DLG2: variants seen among roughly 807,000 people sequenced by gnomAD.
DLG2 encodes discs large MAGUK scaffold protein 2, also known as disks large homolog 2.
DLG2 carries 45 observed loss-of-function variants against 132.5 expected under a neutral mutation model. That is an observed-to-expected ratio of 0.34 (90% CI 0.27 to 0.44). The LOEUF is 0.44. Among genes scored for constraint, DLG2 ranks in the 20% least tolerant of loss-of-function variants. The probability of loss-of-function intolerance (pLI) is 1.00; values close to 1 mark genes in which losing one functional copy is unlikely to be tolerated. For synonymous variants in DLG2, 424 were observed against 419.6 expected (o/e 1.01, Z -0.13); for missense variants, 1,045 against 1,196.9 (o/e 0.87, Z 1.87).
intron 6 of DLG2, among the ~76,000 whole-genome samples, chr11:84,846,351 A>G (rs999489602): frequency 9.9e-5 from 15 of 152,146 alleles, no homozygotes; most frequent in Non-Finnish European, 1.5e-4. Context: ...AAATGGAACC[A>G]TCTTTCATTC....
chr11:84,212,513 A>T lies in DLG2; in HGVS notation c.573+38725T>A, dbSNP rs543808566. Among the ~76,000 whole-genome samples, 94 of 152,338 alleles carry T rather than the reference A, an allele frequency of 6.2e-4. 2 individuals are homozygous for T. The South Asian group carries it at 0.017, about 28-fold the overall frequency. On this transcript the variant is annotated intron_variant, in intron 8 of 27. Transcript: ENST00000376104. ...CTGCCTTTGTTAATTTTATTTTAAG[A>T]AGTAGTGGCAGTAGATCAAAGAATT...
intron 7 of DLG2, among the ~76,000 whole-genome samples, chr11:84,302,688 T>C (rs2098169222): frequency 6.6e-6 from 1 of 152,210 alleles, no homozygotes; most frequent in South Asian, 2.1e-4. Context: ...CATAAGCTTG[T>C]ATTATATTTA....
intron 6 of DLG2, among the ~76,000 whole-genome samples, chr11:84,810,985 TAAAG>T (rs2076490893): frequency 6.6e-6 from 1 of 152,138 alleles, no homozygotes. Context: ...GTCCTTGTGA[TAAAG>T]AAAGTTATCT....
At chr11:83,515,651 G>A (rs1246817084) in intron 21 of DLG2, among the ~76,000 whole-genome samples, 12 of 152,108 alleles carry the variant, frequency 7.9e-5, no homozygotes, top group Admixed American at 7.9e-4. Flanking sequence ...GCTTTCTGTT[G>A]TGGGCATTTA....
chr11:84,423,184 T>G (rs1440833457), intron 7 of DLG2, among the ~76,000 whole-genome samples: 3 of 152,244 alleles, frequency 2.0e-5, no homozygotes, highest in African/African-American at 7.2e-5. Context: ...ATAGTGGTGA[T>G]GGTTGTACAA....
At chr11:84,366,913 A>T (rs977858797) in intron 7 of DLG2, among the ~76,000 whole-genome samples, 6 of 152,094 alleles carry the variant, frequency 3.9e-5, no homozygotes, top group Non-Finnish European at 8.8e-5. Flanking sequence ...CGAGACAGAA[A>T]GTCAACAAGG....
At chr11:84,584,977 C>T (rs995235225) in intron 6 of DLG2, among the ~76,000 whole-genome samples, 17 of 152,148 alleles carry the variant, frequency 1.1e-4, no homozygotes, top group African/African-American at 3.9e-4. Flanking sequence ...CGTGAGCCAC[C>T]GCGCCCGGCC....
chr11:85,067,093 C>T (rs1215957700), intron 6 of DLG2, among the ~76,000 whole-genome samples: 1 of 151,732 alleles, frequency 6.6e-6, no homozygotes, highest in Non-Finnish European at 1.5e-5. Context: ...ACCTGCACTC[C>T]AGGAATTCAT....
chr11:84,925,847 A>C (rs2092958267), intron 6 of DLG2, among the ~76,000 whole-genome samples: 1 of 152,156 alleles, frequency 6.6e-6, no homozygotes, highest in African/African-American at 2.4e-5. Context: ...GGAAGGATCA[A>C]TGATTTAAAT....
At chr11:83,704,509 CT>C (rs201131386) in intron 18 of DLG2, among the ~76,000 whole-genome samples, 2 of 151,064 alleles carry the variant, frequency 1.3e-5, no homozygotes, top group Non-Finnish European at 3.0e-5. Context: ...CTGGTTTTTT[CT>C]TTTTTTAAAA....
chr11:83,856,228 C>T (rs1434627710), intron 16 of DLG2, among the ~76,000 whole-genome samples: 1 of 152,132 alleles, frequency 6.6e-6, no homozygotes, highest in Non-Finnish European at 1.5e-5. Flanking sequence ...TTTATCCAGT[C>T]TATCATTGAT....
chr11:85,246,804 T>G lies in DLG2; in HGVS notation c.186+38416A>C, dbSNP rs151285894. On this transcript the variant is annotated intron_variant, in intron 4 of 27. Transcript: ENST00000376104. ...GTGTAGTTGTATAATAACATGAACA[T>G]AAGTCTATATCCAATCTGAAGATAG... 2.2e-3 allele frequency among the ~76,000 whole-genome samples: 337 copies of G among 152,212 alleles called. 1 individual carries two copies. The highest frequency in any genetic ancestry group is 7.8e-3 in the African/African-American group (326 of 41,562).
At chr11:83,621,541 T>G (rs2061642804) in intron 19 of DLG2, among the ~76,000 whole-genome samples, 1 of 152,098 alleles carries the variant, frequency 6.6e-6, no homozygotes, top group African/African-American at 2.4e-5. Flanking sequence ...AGATTTGCTT[T>G]AGTGAAGACA....
rs190556992 is a variant in DLG2 at position 85,156,216 on chromosome 11, A to T, written c.187-1565T>A. On this transcript the variant is annotated intron_variant, in intron 4 of 27. Coordinates refer to ENST00000376104, the MANE Select transcript of DLG2 (RefSeq NM_001142699.3). ...TTACATCTATCATTGTAATTAGCAT[A>T]TTGTATTATAAATTACATAAATGTA... Among the ~76,000 whole-genome samples, 322 of 152,214 alleles carry T rather than the reference A, an allele frequency of 2.1e-3. 1 individual carries two copies. The highest frequency in any genetic ancestry group is 2.2e-3 in the Non-Finnish European group (153 of 68,016).
At chr11:85,094,121 T>C (rs1566834904) in intron 6 of DLG2, among the ~76,000 whole-genome samples, 2 of 152,250 alleles carry the variant, frequency 1.3e-5, no homozygotes, top group Non-Finnish European at 2.9e-5. Context: ...ATTGGAATTA[T>C]GGCTTTCAGA....
chr11:83,490,277 C>G (rs1479378037), intron 21 of DLG2, among the ~76,000 whole-genome samples: 2 of 151,738 alleles, frequency 1.3e-5, no homozygotes, highest in Non-Finnish European at 1.5e-5. Flanking sequence ...CAAACAAAAC[C>G]TGGATAATTT....
intron 7 of DLG2, among the ~76,000 whole-genome samples, chr11:84,445,824 G>A (rs1382977384): frequency 6.7e-6 from 1 of 150,228 alleles, no homozygotes. Flanking sequence ...GCTGAGGCAG[G>A]AGAATGGCGT....
chr11:84,728,122 C>G (rs1021373298), intron 6 of DLG2, among the ~76,000 whole-genome samples: 3 of 152,262 alleles, frequency 2.0e-5, no homozygotes, highest in Non-Finnish European at 4.4e-5. Context: ...ACTTCCAACA[C>G]TATGTTGAAT....
chr11:84,225,976 A>C (rs2096986612), intron 8 of DLG2, among the ~76,000 whole-genome samples: 1 of 152,030 alleles, frequency 6.6e-6, no homozygotes, highest in African/African-American at 2.4e-5. Flanking sequence ...ACGCCTGGCT[A>C]ATTTTTGTAT....
Sources: allele counts gnomAD v4.1 joint callset (sites outside exome capture counted in the v4.1 genomes callset), GRCh38; gene constraint gnomAD v4.1.1; transcripts MANE v1.5; gene names NCBI Gene and HGNC (gene_info 2026-07-23, HGNC 2026-07-21).